Variants in ST18 observed in about 807,000 individuals in gnomAD.
ST18 encodes the protein suppression of tumorigenicity 18 protein.
In ST18, 50 loss-of-function variants were observed where a neutral mutation model predicts 110.0. The observed-to-expected ratio is 0.45, with a 90% CI of 0.36 to 0.58. The LOEUF is 0.58. Ranked by LOEUF, ST18 falls within the 20% of genes least tolerant of loss-of-function variation. The pLI is 0.00. For synonymous variants in ST18, 461 were observed against 452.4 expected, an observed-to-expected ratio of 1.02 and a Z score of -0.24; for missense variants, 1,306 against 1,280.1, an observed-to-expected ratio of 1.02 and a Z score of -0.31.
chr8:52,185,062 C>T (rs2071484370), intron 8 of ST18, among the ~76,000 whole-genome samples: 1 of 151,918 alleles, frequency 6.6e-6, no homozygotes, highest in African/African-American at 2.4e-5. Flanking sequence ...TGAGGAAAAT[C>T]CAAAGGAATC....
chr8:52,113,375 G>T (rs368286448), intron 25 of ST18, 37 bp from the exon 26 acceptor site: 1 of 1,605,734 alleles, frequency 6.2e-7, no homozygotes, highest in Non-Finnish European at 8.5e-7. Flanking sequence ...CAATCACAGT[G>T]GTTCAGGCTG....
chr8:52,367,302 A>G (rs1464940884), intron 2 of ST18, among the ~76,000 whole-genome samples: 1 of 142,244 alleles, frequency 7.0e-6, no homozygotes, highest in Non-Finnish European at 1.5e-5. Context: ...CATGCCTGGA[A>G]TCTCTGTTAC....
At chr8:52,220,678 TTTGA>T (rs1403304795) in intron 5 of ST18, 59 bp downstream of exon 5, 1 of 152,196 alleles carries the variant, frequency 6.6e-6, no homozygotes, top group Non-Finnish European at 1.5e-5. Context: ...GTATAAATTC[TTTGA>T]TTGAATTCAT....
chr8:52,143,711 C>T (rs543425757), intron 16 of ST18, among the ~76,000 whole-genome samples: 45 of 152,218 alleles, frequency 3.0e-4, no homozygotes, highest in Middle Eastern at 3.4e-3. Context: ...CTAGAGAGCA[C>T]AGGAATTGTT....
At chr8:52,267,778 G>A (rs946609875) in intron 2 of ST18, among the ~76,000 whole-genome samples, 5 of 152,202 alleles carry the variant, frequency 3.3e-5, no homozygotes, top group Admixed American at 2.0e-4. Context: ...GGGAATCCAC[G>A]GAGAGCCCAT....
At chr8:52,118,274 A>G in intron 24 of ST18, 64 bp downstream of exon 24, 2 of 1,113,388 alleles carry the variant, frequency 1.8e-6, no homozygotes, top group Non-Finnish European at 1.3e-6. Flanking sequence ...TTAAAATTTC[A>G]ATGTTTTGTT....
At chr8:52,125,845 G>A (rs571251795) in intron 23 of ST18, 39 of 530,248 alleles carry the variant, frequency 7.4e-5, no homozygotes, top group Admixed American at 2.4e-4. Flanking sequence ...CTCTGTTGGA[G>A]ATCACTCCTT....
At chr8:52,240,776 A>G (rs2093326206) in intron 2 of ST18, among the ~76,000 whole-genome samples, 1 of 152,088 alleles carries the variant, frequency 6.6e-6, no homozygotes, top group Admixed American at 6.6e-5. Flanking sequence ...ATGGTGCAGG[A>G]TTTTCAGAGC....
At chr8:52,130,135 G>GA (rs1222705091) in intron 22 of ST18, among the ~76,000 whole-genome samples, 20 of 137,426 alleles carry the variant, frequency 1.5e-4, no homozygotes, top group African/African-American at 6.3e-4. Context: ...AAGAAAGAAA[G>GA]AAAGAAAGAA....
Position 52,118,417 on chromosome 8 carries a change from C to T in ST18, c.2780G>A (p.Arg927Lys). The T allele has an allele frequency of 6.2e-7, 1 of 1,610,140 alleles. No individual in the cohort carries two copies. Among genetic ancestry groups the T allele is most frequent in the South Asian group, 1.1e-5 (1 of 90,262 alleles). Residue 927 changes from arginine to lysine, a missense_variant, in exon 24 of 26, where the codon AGG becomes AAG. Coordinates refer to ENST00000689386, the MANE Select transcript of ST18 (RefSeq NM_001352837.2). Reference protein sequence around the residue: ...TGGIESDEEIRHLDEEIKELN... With the variant: ...TGGIESDEEIKHLDEEIKELN... ...TTCCTTTATTTCTTCATCCAAATGC[C>T]TAATTTCTTCATCACTCTCTATTCC...
intron 2 of ST18, among the ~76,000 whole-genome samples, chr8:52,298,933 C>T (rs1589717331): frequency 6.6e-6 from 1 of 152,298 alleles, no homozygotes; most frequent in South Asian, 2.1e-4. Flanking sequence ...TAAGTGATCT[C>T]TCTTTTCTAA....
Position 52,386,593 on chromosome 8 carries a change from C to T in ST18, c.-465+22735G>A, listed in dbSNP as rs550391416. Among the ~76,000 whole-genome samples, 7 of 152,232 alleles carry T rather than the reference C, an allele frequency of 4.6e-5. No individual in the cohort carries two copies. In the East Asian group the frequency reaches 1.3e-3, roughly 29 times the overall value. On this transcript the variant is annotated intron_variant, in intron 2 of 25. Transcript: ENST00000689386. ...TATAAAGCAATGTTACTCTTGATGT[C>T]TTACGCAACCCAAGCCATCTCTTCC...
intron 2 of ST18, among the ~76,000 whole-genome samples, chr8:52,236,611 C>CAAA (rs754799390): frequency 2.6e-4 from 23 of 88,906 alleles, no homozygotes; most frequent in South Asian, 4.4e-4. Context: ...AATTCCACCT[C>CAAA]AAAAAAAAAA....
At chr8:52,227,232 C>A (rs562206648) in intron 3 of ST18, among the ~76,000 whole-genome samples, 30 of 152,202 alleles carry the variant, frequency 2.0e-4, no homozygotes, top group African/African-American at 7.2e-4. Flanking sequence ...ACCCATTATT[C>A]GTTCAGTACA....
intron 2 of ST18, among the ~76,000 whole-genome samples, chr8:52,239,979 A>G (rs1564260293): frequency 6.6e-6 from 1 of 152,074 alleles, no homozygotes; most frequent in Non-Finnish European, 1.5e-5. Flanking sequence ...TATTTTGTAG[A>G]GACAGAGTTT....
chr8:52,116,465 A>G (rs1158454827), intron 24 of ST18, 47 bp from the exon 25 acceptor site: 3 of 1,579,320 alleles, frequency 1.9e-6, no homozygotes, highest in Non-Finnish European at 2.6e-6. Flanking sequence ...GTTTGGAAGG[A>G]GTGTAAAAGG....
intron 8 of ST18, among the ~76,000 whole-genome samples, chr8:52,211,526 C>T (rs1244248598): frequency 1.3e-5 from 2 of 151,842 alleles, no homozygotes; most frequent in Non-Finnish European, 2.9e-5. Context: ...CCTGCCACAG[C>T]CTCCTGAGTA....
intron 2 of ST18, among the ~76,000 whole-genome samples, chr8:52,275,505 T>C (rs1014415755): frequency 2.0e-5 from 3 of 152,206 alleles, no homozygotes; most frequent in African/African-American, 4.8e-5. Context: ...GTCCAAACCA[T>C]AATCATTTCT....
intron 2 of ST18, among the ~76,000 whole-genome samples, chr8:52,312,887 C>A (rs1022816643): frequency 1.3e-5 from 2 of 152,134 alleles, no homozygotes; most frequent in African/African-American, 4.8e-5. Flanking sequence ...AGCTCCAGGG[C>A]AGGAAACAAT....
Sources: gnomAD v4.1 joint callset for allele counts (sites outside exome capture counted in the v4.1 genomes callset) on GRCh38, gnomAD v4.1.1 for gene constraint, MANE v1.5 for transcripts, NCBI Gene and HGNC (gene_info 2026-07-23, HGNC 2026-07-21) for gene names.